Variants in KCNT2 observed in about 807,000 individuals in gnomAD.
The protein encoded by KCNT2 is potassium channel subfamily T member 2.
A neutral mutation model predicts 153.8 loss-of-function variants in KCNT2; 67 were observed. The observed-to-expected ratio is 0.44, with a 90% CI of 0.36 to 0.53. KCNT2 has a LOEUF of 0.53. KCNT2 is among the 20% of genes least tolerant of loss of function. The pLI, the probability that KCNT2 is intolerant of heterozygous loss-of-function variation, is 0.00. For missense variants in KCNT2, 975 were observed against 1,354.8 expected (o/e 0.72, Z 4.40); for synonymous variants, 500 against 458.8 (o/e 1.09, Z -1.15).
At position 196,245,647 on chromosome 1, in the gene KCNT2, C is replaced by CA. The variant is rs1389694026; in HGVS notation, c.3212-9578dup. 3.3e-5 allele frequency among the ~76,000 whole-genome samples: 5 copies of CA among 151,882 alleles called. No homozygotes were observed. In the East Asian group the frequency reaches 5.8e-4, roughly 18 times the overall value. ...ACAGAGAAGGAATTCAGAATCCTAA[C>CA]AAAAAAATTAACAAAGAGGTTGAAC... On this transcript the variant is annotated intron_variant, in intron 26 of 27. Transcript: ENST00000294725.
chr1:196,257,496 T>C, intron 26 of KCNT2: 1 of 976,724 alleles, frequency 1.0e-6, no homozygotes, highest in Non-Finnish European at 1.2e-6. Context: ...ACACCTTGTT[T>C]ATCATTTGGT....
At chr1:196,383,988 T>C (rs1241864609) in intron 13 of KCNT2, among the ~76,000 whole-genome samples, 1 of 152,186 alleles carries the variant, frequency 6.6e-6, no homozygotes, top group African/African-American at 2.4e-5. Flanking sequence ...TTAACAATAC[T>C]ATATTTTATA....
chr1:196,305,045 A>T (rs1289406649), intron 22 of KCNT2, among the ~76,000 whole-genome samples, 189 bp downstream of exon 22: 1 of 152,196 alleles, frequency 6.6e-6, no homozygotes, highest in Non-Finnish European at 1.5e-5. Flanking sequence ...TTTACCTGTG[A>T]TATAAATCGT....
chr1:196,415,929 G>A (rs977551963), intron 12 of KCNT2, among the ~76,000 whole-genome samples: 5 of 151,894 alleles, frequency 3.3e-5, no homozygotes, highest in African/African-American at 4.8e-5. Context: ...CCCATCCACA[G>A]TTTTGCCTTC....
intron 19 of KCNT2, among the ~76,000 whole-genome samples, chr1:196,325,448 C>T (rs1398226647): frequency 6.6e-6 from 1 of 152,116 alleles, no homozygotes; most frequent in Non-Finnish European, 1.5e-5. Flanking sequence ...TTTGAACTCA[C>T]ACAGTTAGGC....
intron 21 of KCNT2, among the ~76,000 whole-genome samples, chr1:196,312,594 G>T (rs1279195171): frequency 1.3e-5 from 2 of 151,600 alleles, no homozygotes; most frequent in Non-Finnish European, 3.0e-5. Flanking sequence ...GGTGCAGCAG[G>T]CATTCTATTT....
At chr1:196,341,698 T>C (rs1665652005) in intron 15 of KCNT2, among the ~76,000 whole-genome samples, 1 of 152,044 alleles carries the variant, frequency 6.6e-6, no homozygotes, top group East Asian at 1.9e-4. Context: ...AGGGCCACCA[T>C]CAGAGATTTT....
chr1:196,501,804 C>T (rs1680722370), intron 1 of KCNT2, among the ~76,000 whole-genome samples: 1 of 152,058 alleles, frequency 6.6e-6, no homozygotes, highest in Non-Finnish European at 1.5e-5. Context: ...AGTAAGCCTC[C>T]TATCCATTTT....
intron 13 of KCNT2, among the ~76,000 whole-genome samples, chr1:196,390,343 T>C (rs892033502): frequency 1.3e-5 from 2 of 151,544 alleles, no homozygotes; most frequent in African/African-American, 2.4e-5. Context: ...ATCAATAAGT[T>C]CAGTACTCTA....
At position 196,414,538 on chromosome 1, in the gene KCNT2, C is replaced by T. The variant is rs557441951; in HGVS notation, c.1185+8512G>A. Among the ~76,000 whole-genome samples, 3 of 151,858 alleles carry T rather than the reference C, an allele frequency of 2.0e-5. No homozygotes were observed. In the East Asian group the frequency reaches 5.8e-4, roughly 30 times the overall value. On this transcript the variant is annotated intron_variant, in intron 12 of 27. Transcript: ENST00000294725. ...GTAATTGACCTGATATTTTGTATTA[C>T]TTTTTCAAACGAAGTAAAAGTTTTT... is the stretch of plus-strand genomic sequence containing the variant.
rs536299178 is a variant in KCNT2, at chr1:196,506,360, T to C, written c.96-14019A>G. On this transcript the variant is annotated intron_variant, in intron 1 of 27. Coordinates refer to ENST00000294725, the MANE Select transcript of KCNT2 (RefSeq NM_198503.5). Reference sequence around the variant, plus strand: ...ATACAAAACGTTCCTAAAATAAACGTATAATTGGAAAAACAAAAACTGTGG... The same window carrying C: ...ATACAAAACGTTCCTAAAATAAACGCATAATTGGAAAAACAAAAACTGTGG... 4.6e-5 allele frequency among the ~76,000 whole-genome samples: 7 copies of C among 152,286 alleles called. No homozygotes were observed. The South Asian group carries it at 1.0e-3, about 23-fold the overall frequency.
chr1:196,402,616 CCA>C (rs1387013981), intron 12 of KCNT2, among the ~76,000 whole-genome samples: 1 of 151,322 alleles, frequency 6.6e-6, no homozygotes, highest in Admixed American at 6.6e-5. Flanking sequence ...AACAGAGGAA[CCA>C]AAATTAGAGG....
chr1:196,429,258 C>G (rs1053904578), intron 9 of KCNT2, among the ~76,000 whole-genome samples: 1 of 151,724 alleles, frequency 6.6e-6, no homozygotes, highest in Non-Finnish European at 1.5e-5. Flanking sequence ...TTTCTTTGAT[C>G]TATCATCCTA....
chr1:196,504,441 T>C (rs1680960901), intron 1 of KCNT2, among the ~76,000 whole-genome samples: 1 of 152,122 alleles, frequency 6.6e-6, no homozygotes, highest in Non-Finnish European at 1.5e-5. Context: ...TGCATAGTAT[T>C]CCATGGTGTA....
intron 13 of KCNT2, among the ~76,000 whole-genome samples, chr1:196,375,252 A>G (rs568559496): frequency 6.6e-6 from 1 of 151,854 alleles, no homozygotes; most frequent in Admixed American, 6.6e-5. Context: ...TTCGATAGTC[A>G]TTTTTGTATT....
intron 12 of KCNT2, among the ~76,000 whole-genome samples, chr1:196,408,842 C>T (rs1672049371): frequency 6.6e-6 from 1 of 151,376 alleles, no homozygotes; most frequent in South Asian, 2.1e-4. Flanking sequence ...ACTGGAATTC[C>T]ATTTTTTAGT....
chr1:196,342,145 T>C lies in KCNT2; in HGVS notation c.1487A>G (p.Glu496Gly). The C allele has an allele frequency of 3.1e-6, 5 of 1,611,264 alleles. No individual in the cohort carries two copies. Among genetic ancestry groups the C allele is most frequent in the South Asian group, 2.2e-5 (2 of 90,458 alleles). ...TTCATATTCAGCAAAAAATGTACTT[T>C]CTTCCAAAACAATGTGGTAGACTTC... ...GNEVYHIVLE[E>G]STFFAEYEGK... Residue 496 changes from glutamate (E) to glycine (G), a missense_variant, in exon 15 of 28, where the codon GAA becomes GGA. Glu to Gly is a moderately conservative substitution (Grantham distance 98, BLOSUM62 -2). This residue lies in a region of KCNT2 where 325 missense variants were observed against 388.1 expected (regional missense o/e 0.84). Coordinates refer to ENST00000294725, the MANE Select transcript of KCNT2 (RefSeq NM_198503.5).
At chr1:196,451,917 T>C (rs1024522420) in intron 8 of KCNT2, among the ~76,000 whole-genome samples, 6 of 151,938 alleles carry the variant, frequency 3.9e-5, no homozygotes, top group African/African-American at 1.4e-4. Flanking sequence ...GCTATTACAC[T>C]TTTCCTAGCT....
At chr1:196,598,828 C>T (rs891150799) in intron 1 of KCNT2, among the ~76,000 whole-genome samples, 1 of 152,138 alleles carries the variant, frequency 6.6e-6, no homozygotes, top group African/African-American at 2.4e-5. Flanking sequence ...ATACGTAATA[C>T]ATGTAACATG....
Sources: gnomAD v4.1 joint callset for allele counts (sites outside exome capture counted in the v4.1 genomes callset) on GRCh38, gnomAD v4.1.1 for gene constraint, gnomAD v4.1.1 regional missense constraint, MANE v1.5 for transcripts, NCBI Gene and HGNC (gene_info 2026-07-23, HGNC 2026-07-21) for gene names.